REDIC1: variants seen among roughly 807,000 people sequenced by gnomAD.
REDIC1 encodes the protein regulator of DNA class I crossover intermediates 1.
At chr12:39,667,173 A>G in the REDIC1 span, among the ~76,000 whole-genome samples, 2 of 152,130 alleles carry the variant, frequency 1.3e-5, no homozygotes, top group African/African-American at 2.4e-5. Flanking sequence ...TGTCAATTTT[A>G]GATCTTTCCT....
chr12:39,645,725 G>T, the REDIC1 span, among the ~76,000 whole-genome samples: 6 of 152,022 alleles, frequency 3.9e-5, no homozygotes, highest in Non-Finnish European at 7.4e-5. Flanking sequence ...TAGTCAGATG[G>T]CTACTGCCAA....
chr12:39,750,202 T>A, the REDIC1 span, among the ~76,000 whole-genome samples: 1 of 152,236 alleles, frequency 6.6e-6, no homozygotes, highest in East Asian at 1.9e-4. Context: ...CTTAAGCTGA[T>A]AAGCAACTTC....
chr12:39,683,524 C>T, the REDIC1 span: 2 of 1,415,576 alleles, frequency 1.4e-6, no homozygotes, highest in Non-Finnish European at 2.0e-6. Context: ...AAATCAGGAT[C>T]TAGTATGATG....
chr12:39,903,806 A>G, the REDIC1 span, among the ~76,000 whole-genome samples: 10 of 152,106 alleles, frequency 6.6e-5, no homozygotes, highest in Admixed American at 2.0e-4. Context: ...ATTTAGCTTA[A>G]GTTTTCTATC....
the REDIC1 span, among the ~76,000 whole-genome samples, chr12:39,725,655 T>C: frequency 6.6e-6 from 1 of 152,046 alleles, no homozygotes; most frequent in Non-Finnish European, 1.5e-5. Flanking sequence ...TACTTAATGC[T>C]TTCTGTGTCA....
At chr12:39,900,636 G>A in the REDIC1 span, among the ~76,000 whole-genome samples, 9 of 152,132 alleles carry the variant, frequency 5.9e-5, no homozygotes, top group South Asian at 6.2e-4. Context: ...TACAAGGGAC[G>A]TGAAGGACCT....
the REDIC1 span, among the ~76,000 whole-genome samples, chr12:39,875,077 G>A: frequency 5.3e-4 from 80 of 152,272 alleles, 1 homozygote; most frequent in African/African-American, 1.8e-3. Flanking sequence ...ATTAGTTTGT[G>A]TTGCTGCCAT....
the REDIC1 span, among the ~76,000 whole-genome samples, chr12:39,651,487 C>T: frequency 1.3e-5 from 2 of 152,130 alleles, no homozygotes; most frequent in Non-Finnish European, 2.9e-5. Context: ...TAAATGGCAC[C>T]ACTATTCACT....
At chr12:39,900,939 T>C in the REDIC1 span, among the ~76,000 whole-genome samples, 1 of 152,048 alleles carries the variant, frequency 6.6e-6, no homozygotes, top group Non-Finnish European at 1.5e-5. Context: ...CTTCAAACTA[T>C]ACCACAAGGC....
At chr12:39,650,497 A>T in the REDIC1 span, 3 of 1,046,446 alleles carry the variant, frequency 2.9e-6, no homozygotes, top group East Asian at 6.0e-5. This position sits in a 1 kb window ranked among gnomAD's most constrained non-coding sequence, Gnocchi z 4.3. Context: ...TTCAAAAAGT[A>T]AAATGTATTA....
chr12:39,811,382 A>C, the REDIC1 span, among the ~76,000 whole-genome samples: 1 of 151,910 alleles, frequency 6.6e-6, no homozygotes, highest in Non-Finnish European at 1.5e-5. Context: ...TTTTAGCTTC[A>C]TAATTGTAAG....
At chr12:39,744,650 C>T in the REDIC1 span, among the ~76,000 whole-genome samples, 1 of 151,970 alleles carries the variant, frequency 6.6e-6, no homozygotes, top group Admixed American at 6.6e-5. Flanking sequence ...CCAGGGCAAC[C>T]ACTAAAAACA....
the REDIC1 span, among the ~76,000 whole-genome samples, chr12:39,892,418 C>A: frequency 6.6e-6 from 1 of 152,212 alleles, no homozygotes; most frequent in Non-Finnish European, 1.5e-5. Context: ...CATGGTACTA[C>A]AACAGATCTC....
chr12:39,837,986 A>C, the REDIC1 span, among the ~76,000 whole-genome samples: 1 of 151,276 alleles, frequency 6.6e-6, no homozygotes, highest in Non-Finnish European at 1.5e-5. Flanking sequence ...CCATCCCATT[A>C]CTGGGTATAT....
chr12:39,798,168 A>T, the REDIC1 span, among the ~76,000 whole-genome samples: 3 of 152,200 alleles, frequency 2.0e-5, no homozygotes, highest in Non-Finnish European at 4.4e-5. Flanking sequence ...GGCCTGTCGG[A>T]CAACAACCAG....
the REDIC1 span, among the ~76,000 whole-genome samples, chr12:39,855,389 A>G: frequency 6.6e-6 from 1 of 152,196 alleles, no homozygotes; most frequent in Non-Finnish European, 1.5e-5. Context: ...GAACACTATA[A>G]AAGGATCCAA....
chr12:39,639,872 G>C, the REDIC1 span, among the ~76,000 whole-genome samples: 1 of 151,900 alleles, frequency 6.6e-6, no homozygotes, highest in Non-Finnish European at 1.5e-5. Context: ...TTGAATTTGA[G>C]ACCATAGTGT....
chr12:39,899,874 A>G, the REDIC1 span, among the ~76,000 whole-genome samples: 1 of 151,990 alleles, frequency 6.6e-6, no homozygotes, highest in African/African-American at 2.4e-5. Context: ...GTTCTTTTAC[A>G]TTTGCTGAGG....
chr12:39,896,016 A>G, the REDIC1 span, among the ~76,000 whole-genome samples: 2 of 146,524 alleles, frequency 1.4e-5, no homozygotes, highest in South Asian at 2.1e-4. Flanking sequence ...ACATGTGTAT[A>G]TGTATACATA....
Sources: gnomAD v4.1 joint callset for allele counts (sites outside exome capture counted in the v4.1 genomes callset) on GRCh38, gnomAD v4.1.1 for gene constraint, Gnocchi (gnomAD v3.1) non-coding constraint, MANE v1.5 for transcripts, NCBI Gene and HGNC (gene_info 2026-07-23, HGNC 2026-07-21) for gene names.